NAP1L1: variants seen among roughly 807,000 people sequenced by gnomAD.
NAP1L1 encodes the protein nucleosome assembly protein 1-like 1.
NAP1L1 carries 9 observed loss-of-function variants against 58.9 expected under a neutral mutation model. That is an observed-to-expected ratio of 0.15 (90% CI 0.09 to 0.27). NAP1L1 has a LOEUF of 0.27. Among genes scored for constraint, NAP1L1 ranks in the 10% least tolerant of loss-of-function variants. The pLI is 1.00. For missense variants in NAP1L1, 302 were observed against 458.8 expected (o/e 0.66, Z 3.12); for synonymous variants, 130 against 138.3 (o/e 0.94, Z 0.42).
intron 4 of NAP1L1, among the ~76,000 whole-genome samples, chr12:76,066,044 AAT>A (rs1949649830): frequency 6.7e-6 from 1 of 150,206 alleles, no homozygotes. Context: ...TTGATTAGTG[AAT>A]AGTGTTTAAA....
intron 1 of NAP1L1, among the ~76,000 whole-genome samples, chr12:76,076,743 A>G (rs1950197442): frequency 1.3e-5 from 2 of 151,952 alleles, no homozygotes; most frequent in Admixed American, 6.6e-5. Flanking sequence ...TGTGTGGATT[A>G]TATGTTCTGA....
rs1555179391 is a variant in NAP1L1 at position 76,048,101 on chromosome 12, C to CCA, written c.*327_*328insTG. On this transcript the variant is annotated 3_prime_UTR_variant, in exon 15 of 15. Coordinates refer to ENST00000618691, the MANE Select transcript of NAP1L1 (RefSeq NM_004537.7). ...CTTTGGTTCTTCAAGGAAAAAATTA[C>CCA]AAAAAAAAAAAAAAGGTATTTCCTT... is the stretch of plus-strand genomic sequence containing the variant. 3.7e-5 allele frequency: 7 copies of CCA among 187,210 alleles called. No homozygotes were observed. The highest frequency in any genetic ancestry group is 2.0e-4 in the African/African-American group (6 of 29,632). The allele number at this position is 187,210 out of a possible 1,614,324, so 11.6% of individuals were successfully genotyped here. A position where few individuals can be genotyped will look rare whatever the true frequency, so the allele number is the denominator to read the frequency against.
rs1234410855 is a variant in NAP1L1 at position 76,047,407 on chromosome 12, T to C, written c.*1022A>G. On this transcript the variant is annotated 3_prime_UTR_variant, in exon 15 of 15. Transcript: ENST00000618691. ...TTTTTTTAAAAGAAAACAGCATCAA[T>C]CACTTAAGATTTTCTTCCTCTTTTT... is the stretch of plus-strand genomic sequence containing the variant. 1 of 148,704 alleles carries C rather than the reference T, an allele frequency of 6.7e-6. No individual in the cohort carries two copies. Among genetic ancestry groups the C allele is most frequent in the Non-Finnish European group, 1.5e-5 (1 of 67,060 alleles). The allele number at this position is 148,704 out of a possible 1,614,324, so 9.2% of individuals were successfully genotyped here.
At position 76,049,208 on chromosome 12, in the gene NAP1L1, C is replaced by T; in HGVS notation, c.1132G>A (p.Asp378Asn). 1.2e-6 allele frequency: 2 copies of T among 1,613,532 alleles called. No homozygotes were observed. Among genetic ancestry groups the T allele is most frequent in the South Asian group, 1.1e-5 (1 of 91,052 alleles). Residue 378 changes from aspartate to asparagine, a missense_variant, in exon 14 of 15, where the codon GAC becomes AAC. By Grantham distance (23) the Asp-to-Asn change is conservative. Transcript: ENST00000618691. ...GCACTAATTTTGCTCACCTTTGGGT[C>T]ATAGTCTGGATCATTTTCCTCATCT... ...EGDEENDPDY[D>N]PKKDQNPAEC...
At chr12:76,064,380 A>C (rs186279840) in intron 4 of NAP1L1, among the ~76,000 whole-genome samples, 11 of 152,330 alleles carry the variant, frequency 7.2e-5, no homozygotes, top group Admixed American at 5.2e-4. Flanking sequence ...GAAGCTGAAC[A>C]ATACAATAAG....
chr12:76,067,697 C>A, intron 3 of NAP1L1: 1 of 406,872 alleles, frequency 2.5e-6, no homozygotes, highest in Non-Finnish European at 4.5e-6. Flanking sequence ...AGACAGTTCT[C>A]AAGGCCACTG....
rs1055208342 is a variant in NAP1L1, at chr12:76,042,591, T to C, written c.*5838A>G. The C allele has an allele frequency of 6.6e-6, 1 of 152,266 alleles. No homozygotes were observed. The highest frequency in any genetic ancestry group is 2.4e-5 in the African/African-American group (1 of 41,474). 9.4% of individuals were successfully genotyped at this position (152,266 alleles called of 1,614,324 possible). ...TAGTTGGATCAACTGATTCCACTTA[T>C]TTGAAAATAATTACAAATACGGACG... On this transcript the variant is annotated 3_prime_UTR_variant, in exon 15 of 15. Coordinates refer to ENST00000618691, the MANE Select transcript of NAP1L1 (RefSeq NM_004537.7).
At chr12:76,064,264 T>C (rs1303310725) in intron 4 of NAP1L1, among the ~76,000 whole-genome samples, 1 of 152,032 alleles carries the variant, frequency 6.6e-6, no homozygotes, top group Non-Finnish European at 1.5e-5. Flanking sequence ...ACAAGAAATG[T>C]TCATCACAAA....
intron 1 of NAP1L1, among the ~76,000 whole-genome samples, chr12:76,082,086 A>T (rs1028018373): frequency 4.6e-5 from 7 of 152,236 alleles, no homozygotes; most frequent in African/African-American, 1.7e-4. Context: ...AGATCTGAAT[A>T]CACTGATCAT....
intron 4 of NAP1L1, chr12:76,061,156 C>A (rs1056443748): frequency 4.0e-6 from 1 of 251,958 alleles, no homozygotes; most frequent in South Asian, 3.4e-5. Context: ...CTGTGAAGCA[C>A]TATTTTGTTA....
At chr12:76,054,865 GAATA>G (rs1199119353) in intron 8 of NAP1L1, among the ~76,000 whole-genome samples, 150 bp downstream of exon 8, 1 of 152,154 alleles carries the variant, frequency 6.6e-6, no homozygotes, top group Non-Finnish European at 1.5e-5. Flanking sequence ...GGAGGAAAAG[GAATA>G]AATACTGCCT....
rs745940325 is a variant in NAP1L1 at position 76,060,118 on chromosome 12, A to G, written c.348+20T>C. On this transcript the variant is annotated intron_variant, in intron 5 of 14. Transcript: ENST00000618691. ...CGTCTTCTAGAATGTTAAATTAAAC[A>G]AAGTAGGAGAAAGCATTACCTTATC... 3 of 1,593,566 alleles carry G rather than the reference A, an allele frequency of 1.9e-6. No individual in the cohort carries two copies. The highest frequency in any genetic ancestry group is 1.1e-5 in the South Asian group (1 of 89,704).
At chr12:76,051,063 G>A (rs1336170430) in intron 11 of NAP1L1, among the ~76,000 whole-genome samples, 1 of 149,992 alleles carries the variant, frequency 6.7e-6, no homozygotes, top group Non-Finnish European at 1.5e-5. Context: ...GGGAAGAAAT[G>A]CTCAACTTTA....
intron 1 of NAP1L1, among the ~76,000 whole-genome samples, chr12:76,077,937 C>G (rs1327714461): frequency 7.7e-6 from 1 of 129,424 alleles, no homozygotes; most frequent in African/African-American, 2.9e-5. Flanking sequence ...GAGCCGAGAT[C>G]ACACCGCTGC....
In NAP1L1 at chr12:76,074,183, A is replaced by G; in HGVS notation, c.17+20T>C. 6.3e-7 allele frequency: 1 copy of G among 1,580,492 alleles called. No homozygotes were observed. Among genetic ancestry groups the G allele is most frequent in the Non-Finnish European group, 8.7e-7 (1 of 1,152,190 alleles). On this transcript the variant is annotated intron_variant, in intron 2 of 14. Coordinates refer to ENST00000618691, the MANE Select transcript of NAP1L1 (RefSeq NM_004537.7). ...AGTGATGCCAAATCTCTGAAAAAGA[A>G]CCAACTCTCTGCCACTTACTTGTCA... is the stretch of plus-strand genomic sequence containing the variant.
intron 2 of NAP1L1, among the ~76,000 whole-genome samples, chr12:76,069,442 G>C (rs753152547): frequency 6.6e-6 from 1 of 152,108 alleles, no homozygotes; most frequent in African/African-American, 2.4e-5. Flanking sequence ...GTATTTCTTT[G>C]AGGAAGTATC....
chr12:76,049,806 T>G, intron 12 of NAP1L1, 21 bp from the exon 13 acceptor site: 1 of 1,612,210 alleles, frequency 6.2e-7, no homozygotes, highest in South Asian at 1.1e-5. Context: ...AAAACAGCGT[T>G]AAGTGTTGAG....
intron 1 of NAP1L1, among the ~76,000 whole-genome samples, chr12:76,081,030 C>A (rs760973319): frequency 1.1e-4 from 16 of 152,020 alleles, no homozygotes; most frequent in Non-Finnish European, 2.2e-4. Context: ...CCACATGGGT[C>A]CCCTCGATCT....
Position 76,067,445 on chromosome 12 carries a change from T to C in NAP1L1, c.132A>G (p.Gln44=), listed in dbSNP as rs150214424. Residue 44 remains glutamine (Q), a synonymous_variant, in exon 4 of 15, where the codon CAA becomes CAG. Transcript: ENST00000618691. ...KARQLTVQMM[Q]NPQILAALQE... Reference sequence around the variant, plus strand: ...GAAGGGCTGCAAGAATCTGAGGATTTTGCATCATCTGAACAGTTAGCTGAC... The same window carrying C: ...GAAGGGCTGCAAGAATCTGAGGATTCTGCATCATCTGAACAGTTAGCTGAC... The C allele has an allele frequency of 2.1e-5, 34 of 1,608,496 alleles. No homozygotes were observed. Among genetic ancestry groups the C allele is most frequent in the Middle Eastern group, 1.7e-4 (1 of 6,056 alleles).
Sources: allele counts gnomAD v4.1 joint callset (sites outside exome capture counted in the v4.1 genomes callset), GRCh38; gene constraint gnomAD v4.1.1; transcripts MANE v1.5; gene names NCBI Gene and HGNC (gene_info 2026-07-23, HGNC 2026-07-21).